The following RNGTT variants were observed in gnomAD, a reference collection of about 807,000 sequenced individuals.
RNGTT encodes the protein mRNA-capping enzyme.
A neutral mutation model predicts 79.3 loss-of-function variants in RNGTT; 33 were observed. The observed-to-expected ratio is 0.42, with a 90% CI of 0.32 to 0.56. The LOEUF (loss-of-function observed/expected upper bound fraction) is 0.56. Among genes scored for constraint, RNGTT ranks in the 20% least tolerant of loss-of-function variants. The pLI is 0.17. For synonymous variants in RNGTT, 222 were observed against 235.9 expected (o/e 0.94, Z 0.54); for missense variants, 497 against 739.1 (o/e 0.67, Z 3.80).
At chr6:88,656,813 G>A (rs1175922575) in intron 14 of RNGTT, among the ~76,000 whole-genome samples, 1 of 151,790 alleles carries the variant, frequency 6.6e-6, no homozygotes, top group African/African-American at 2.4e-5. Flanking sequence ...AGGAAGGCCA[G>A]GCACAGTGGC....
rs563500911 is a variant in RNGTT, at chr6:88,835,804, T to A, written c.1269+8553A>T. ...GACAAAAAGTCAGTAACTACCAGAA[T>A]TTTAAGGTGATAGATCTGTACCAGA... On this transcript the variant is annotated intron_variant, in intron 11 of 15. Coordinates refer to ENST00000369485, the MANE Select transcript of RNGTT (RefSeq NM_003800.5). Among the ~76,000 whole-genome samples the A allele has an allele frequency of 2.0e-5, 3 of 152,084 alleles. 1 individual carries two copies. In the South Asian group the frequency reaches 6.2e-4, roughly 32 times the overall value.
chr6:88,806,723 C>A (rs1226048840), intron 11 of RNGTT, among the ~76,000 whole-genome samples: 2 of 152,080 alleles, frequency 1.3e-5, no homozygotes, highest in African/African-American at 4.8e-5. Flanking sequence ...TATCATTTGA[C>A]CCAGCAATCC....
intron 11 of RNGTT, among the ~76,000 whole-genome samples, chr6:88,826,844 A>ATATATG (rs1324159122): frequency 8.4e-6 from 1 of 118,788 alleles, no homozygotes; most frequent in African/African-American, 3.5e-5. Flanking sequence ...ATATATATAT[A>ATATATG]TGTGTGTGTG....
At chr6:88,818,041 G>C (rs543379533) in intron 11 of RNGTT, among the ~76,000 whole-genome samples, 13 of 151,826 alleles carry the variant, frequency 8.6e-5, no homozygotes, top group Non-Finnish European at 1.5e-4. Flanking sequence ...TTACAGGCGT[G>C]AGCCACCGCG....
intron 12 of RNGTT, among the ~76,000 whole-genome samples, chr6:88,773,922 C>G (rs935404456): frequency 1.3e-5 from 2 of 151,946 alleles, no homozygotes; most frequent in Admixed American, 1.3e-4. Context: ...GTTTTGACAC[C>G]AAAAGCATAA....
intron 13 of RNGTT, among the ~76,000 whole-genome samples, chr6:88,750,792 G>A (rs1432254093): frequency 6.6e-6 from 1 of 151,986 alleles, no homozygotes; most frequent in African/African-American, 2.4e-5. Flanking sequence ...CATCTTCTCT[G>A]GAACCTTCTT....
intron 12 of RNGTT, among the ~76,000 whole-genome samples, chr6:88,770,449 T>C (rs1255565805): frequency 1.3e-5 from 2 of 152,234 alleles, no homozygotes; most frequent in Non-Finnish European, 2.9e-5. Flanking sequence ...ATTTTTGAGA[T>C]GAATCTATCC....
chr6:88,690,942 T>C (rs573103162), intron 13 of RNGTT, among the ~76,000 whole-genome samples: 19 of 152,240 alleles, frequency 1.2e-4, no homozygotes, highest in Admixed American at 1.2e-3. Context: ...CAAGTGCCTA[T>C]ATATAATATT....
At chr6:88,616,223 T>C (rs1485061494) in intron 14 of RNGTT, among the ~76,000 whole-genome samples, 1 of 152,260 alleles carries the variant, frequency 6.6e-6, no homozygotes, top group Non-Finnish European at 1.5e-5. Context: ...ACTGTATGTA[T>C]ACACCACATT....
chr6:88,907,672 C>CA (rs1391050116), intron 4 of RNGTT, among the ~76,000 whole-genome samples: 2 of 148,562 alleles, frequency 1.3e-5, no homozygotes, highest in African/African-American at 4.9e-5. Flanking sequence ...CTACAGTCTT[C>CA]AAAATGAAGC....
At chr6:88,769,024 G>T (rs998184605) in intron 13 of RNGTT, among the ~76,000 whole-genome samples, 38 of 152,046 alleles carry the variant, frequency 2.5e-4, no homozygotes. Context: ...GACTTATTTC[G>T]ATATGCTTAA....
Position 88,854,646 on chromosome 6 carries a change from T to C in RNGTT, c.897-882A>G, listed in dbSNP as rs187028914. 3.8e-3 allele frequency among the ~76,000 whole-genome samples: 584 copies of C among 152,330 alleles called. 3 individuals are homozygous for C. Among genetic ancestry groups the C allele is most frequent in the Non-Finnish European group, 5.4e-3 (370 of 68,026 alleles). ...GTACCACAATATCAGGTATAACTTT[T>C]CTTCTCATTTATGACTATAAAATTA... On this transcript the variant is annotated intron_variant, in intron 8 of 15. Coordinates refer to ENST00000369485, the MANE Select transcript of RNGTT (RefSeq NM_003800.5).
chr6:88,956,751 A>T (rs1235702816), intron 1 of RNGTT, among the ~76,000 whole-genome samples: 1 of 152,168 alleles, frequency 6.6e-6, no homozygotes, highest in Non-Finnish European at 1.5e-5. Context: ...CAAGTCAATA[A>T]ATGTTGGCCA....
intron 14 of RNGTT, among the ~76,000 whole-genome samples, chr6:88,666,084 T>A (rs1285432757): frequency 6.6e-6 from 1 of 152,086 alleles, no homozygotes; most frequent in African/African-American, 2.4e-5. Context: ...GGATCCCAAA[T>A]TTTGCAGTAC....
chr6:88,724,268 T>G (rs1776809056), intron 13 of RNGTT, among the ~76,000 whole-genome samples: 1 of 152,206 alleles, frequency 6.6e-6, no homozygotes, highest in African/African-American at 2.4e-5. Flanking sequence ...CAACTTCCAG[T>G]CCTGCAAGTT....
chr6:88,875,922 G>T (rs1002529012), intron 8 of RNGTT, among the ~76,000 whole-genome samples: 2 of 152,072 alleles, frequency 1.3e-5, no homozygotes. Context: ...TATATTAAGT[G>T]AAACTACCCC....
chr6:88,871,392 A>G (rs1016710713), intron 8 of RNGTT, among the ~76,000 whole-genome samples: 4 of 152,130 alleles, frequency 2.6e-5, no homozygotes, highest in African/African-American at 9.7e-5. Flanking sequence ...TGGTCCTGAA[A>G]AATATGTCCT....
rs185740799 is a variant in RNGTT, at chr6:88,770,342, G to C, written c.1339-468C>G. Among the ~76,000 whole-genome samples, 29 of 152,148 alleles carry C rather than the reference G, an allele frequency of 1.9e-4. No homozygotes were observed. The East Asian group carries it at 5.0e-3, about 26-fold the overall frequency. ...AGTCAATTCCCTCCGTCAGCATTCT[G>C]GCAACAGTGATCTGCTTTCTACGAC... On this transcript the variant is annotated intron_variant, in intron 12 of 15. Coordinates refer to ENST00000369485, the MANE Select transcript of RNGTT (RefSeq NM_003800.5).
chr6:88,691,278 G>C (rs1341501749), intron 13 of RNGTT, among the ~76,000 whole-genome samples: 1 of 152,082 alleles, frequency 6.6e-6, no homozygotes, highest in South Asian at 2.1e-4. Context: ...CCTCCTTCCT[G>C]TTTGCCTTCC....
Sources: gnomAD v4.1 joint callset for allele counts (sites outside exome capture counted in the v4.1 genomes callset) on GRCh38, gnomAD v4.1.1 for gene constraint, MANE v1.5 for transcripts, NCBI Gene and HGNC (gene_info 2026-07-23, HGNC 2026-07-21) for gene names.